KCNH1: variants seen among roughly 807,000 people sequenced by gnomAD.
KCNH1 encodes potassium voltage-gated channel subfamily H member 1, also known as voltage-gated delayed rectifier potassium channel KCNH1.
A neutral mutation model predicts 69.2 loss-of-function variants in KCNH1; 27 were observed. That is an observed-to-expected ratio of 0.39 (90% confidence interval 0.29 to 0.54). The LOEUF (loss-of-function observed/expected upper bound fraction) is 0.54, where lower values mean the gene tolerates loss of function less well. Among genes scored for constraint, KCNH1 ranks in the 20% least tolerant of loss-of-function variants. The pLI is 0.68. For synonymous variants in KCNH1, 456 were observed against 487.7 expected (o/e 0.93, Z 0.86); for missense variants, 798 against 1,261.6 (o/e 0.63, Z 5.57).
At chr1:210,850,842 A>G (rs1358731674) in intron 7 of KCNH1, among the ~76,000 whole-genome samples, 1 of 152,220 alleles carries the variant, frequency 6.6e-6, no homozygotes, top group Admixed American at 6.5e-5. Context: ...GGAGATCAAA[A>G]GCCTACTTTC....
chr1:210,968,317 G>A (rs553599873), intron 6 of KCNH1, among the ~76,000 whole-genome samples: 441 of 134,854 alleles, frequency 3.3e-3, no homozygotes, highest in African/African-American at 0.012. Context: ...GAATAATGCC[G>A]CAATAAACAT....
chr1:210,928,578 G>C (rs1253943449), intron 6 of KCNH1, among the ~76,000 whole-genome samples: 8 of 152,140 alleles, frequency 5.3e-5, no homozygotes, highest in Admixed American at 5.2e-4. Flanking sequence ...GTGTTAAGAG[G>C]AAAGTTCATA....
At chr1:211,115,730 T>TATATATATATATATATATATATAC (rs1159442976) in intron 1 of KCNH1, among the ~76,000 whole-genome samples, 2 of 87,028 alleles carry the variant, frequency 2.3e-5, no homozygotes, top group Admixed American at 1.1e-4. Context: ...TATATATATA[T>TATATATATATATATATATATATAC]ACACACACAC....
At chr1:210,885,331 AG>A (rs963590277) in intron 7 of KCNH1, among the ~76,000 whole-genome samples, 3 of 152,192 alleles carry the variant, frequency 2.0e-5, no homozygotes, top group African/African-American at 7.2e-5. Context: ...CCTGTAGCCA[AG>A]GGAAGCCCTG....
intron 1 of KCNH1, among the ~76,000 whole-genome samples, chr1:211,120,981 T>G (rs1691673602): frequency 6.6e-6 from 1 of 152,144 alleles, no homozygotes. Flanking sequence ...ACAAGGGATG[T>G]GAAGGACCTC....
chr1:211,050,458 G>A (rs1345602245), intron 5 of KCNH1, among the ~76,000 whole-genome samples: 1 of 151,916 alleles, frequency 6.6e-6, no homozygotes, highest in Non-Finnish European at 1.5e-5. Flanking sequence ...TGATGCACTT[G>A]TTCTTTAATG....
chr1:210,872,867 A>G (rs1223143834), intron 7 of KCNH1, among the ~76,000 whole-genome samples: 1 of 152,208 alleles, frequency 6.6e-6, no homozygotes, highest in East Asian at 1.9e-4. Context: ...ACACAGATCC[A>G]AACCATATCA....
chr1:210,686,592 G>T (rs1239118559), intron 10 of KCNH1, among the ~76,000 whole-genome samples: 1 of 152,230 alleles, frequency 6.6e-6, no homozygotes, highest in African/African-American at 2.4e-5. Flanking sequence ...ATGCAGAAAA[G>T]GGGAAGGAGA....
intron 10 of KCNH1, among the ~76,000 whole-genome samples, chr1:210,732,040 A>C (rs541737129): frequency 2.0e-5 from 3 of 152,208 alleles, no homozygotes; most frequent in Non-Finnish European, 4.4e-5. Context: ...CATCTCAGAA[A>C]GTCATTTAGG....
intron 9 of KCNH1, among the ~76,000 whole-genome samples, chr1:210,793,017 A>G (rs1369261791): frequency 2.0e-5 from 3 of 152,248 alleles, no homozygotes; most frequent in African/African-American, 7.2e-5. Context: ...ACTGATTTCT[A>G]TAAAAAATTA....
intron 6 of KCNH1, among the ~76,000 whole-genome samples, chr1:210,983,184 G>C (rs1005501294): frequency 6.6e-6 from 1 of 152,162 alleles, no homozygotes; most frequent in African/African-American, 2.4e-5. Flanking sequence ...TTTGTCAGAT[G>C]AGTAGATTGC....
At chr1:211,037,284 A>C (rs1388333031) in intron 5 of KCNH1, among the ~76,000 whole-genome samples, 2 of 152,156 alleles carry the variant, frequency 1.3e-5, no homozygotes, top group Non-Finnish European at 2.9e-5. Flanking sequence ...CAAGCCTCTG[A>C]GCCTTTTCAC....
chr1:211,055,808 T>G (rs1252887419), intron 5 of KCNH1, among the ~76,000 whole-genome samples: 1 of 152,168 alleles, frequency 6.6e-6, no homozygotes, highest in Non-Finnish European at 1.5e-5. Context: ...AGACACACCA[T>G]GGGCCAGAAG....
At chr1:211,033,902 CTT>C (rs1401680316) in intron 5 of KCNH1, among the ~76,000 whole-genome samples, 1 of 149,560 alleles carries the variant, frequency 6.7e-6, no homozygotes, top group Non-Finnish European at 1.5e-5. Context: ...TACCCTAAAA[CTT>C]AAAGTATAAT....
At chr1:210,851,165 C>T (rs1234121526) in intron 7 of KCNH1, among the ~76,000 whole-genome samples, 1 of 152,232 alleles carries the variant, frequency 6.6e-6, no homozygotes, top group Non-Finnish European at 1.5e-5. Context: ...TCTCTGGTCA[C>T]AGCACTGCCA....
chr1:210,821,506 C>G (rs1684928314), intron 7 of KCNH1, among the ~76,000 whole-genome samples: 1 of 151,988 alleles, frequency 6.6e-6, no homozygotes, highest in Admixed American at 6.6e-5. Context: ...CCATGTATCA[C>G]CTATAAACTG....
At chr1:210,924,626 A>G (rs1407561559) in intron 6 of KCNH1, among the ~76,000 whole-genome samples, 1 of 152,238 alleles carries the variant, frequency 6.6e-6, no homozygotes, top group Non-Finnish European at 1.5e-5. Context: ...TACACTAAAA[A>G]CATGAGACTT....
intron 6 of KCNH1, among the ~76,000 whole-genome samples, chr1:210,968,000 G>A (rs531190699): frequency 6.6e-5 from 10 of 151,544 alleles, no homozygotes; most frequent in Admixed American, 1.3e-4. Context: ...TATATCTCCC[G>A]ATGCTATCCC....
intron 1 of KCNH1, among the ~76,000 whole-genome samples, chr1:211,108,101 T>C (rs999606113): frequency 2.0e-5 from 3 of 152,224 alleles, no homozygotes; most frequent in South Asian, 2.1e-4. Context: ...ACACTCATAA[T>C]GCAGGGTTTA....
Sources: allele counts gnomAD v4.1 joint callset (sites outside exome capture counted in the v4.1 genomes callset), GRCh38; gene constraint gnomAD v4.1.1; transcripts MANE v1.5; gene names NCBI Gene and HGNC (gene_info 2026-07-23, HGNC 2026-07-21).